Variants in ABCA4 observed in about 807,000 individuals in gnomAD.
The protein encoded by ABCA4 is retinal-specific phospholipid-transporting ATPase ABCA4.
A neutral mutation model predicts 263.7 loss-of-function variants in ABCA4; 196 were observed. That is an observed-to-expected ratio of 0.74 (90% CI 0.66 to 0.84). ABCA4 has a LOEUF of 0.84. Among genes scored for constraint, ABCA4 ranks in the 40% least tolerant of loss-of-function variants. The pLI, the probability that ABCA4 is intolerant of heterozygous loss-of-function variation, is 0.00. For synonymous variants in ABCA4, 1,133 were observed against 1,094.2 expected (o/e 1.04, Z -0.70); for missense variants, 2,792 against 2,855.1 (o/e 0.98, Z 0.50).
In ABCA4 at chr1:93,993,082, C is replaced by G; in HGVS notation, c.*155G>C. ...CGGTTTCCTTCTGAAAGACCTCTTT[C>G]TGAATTCGCTGCATGCTCCTCGTGT... On this transcript the variant is annotated 3_prime_UTR_variant, in exon 50 of 50. Transcript: ENST00000370225. 2 of 966,722 alleles carry G rather than the reference C, an allele frequency of 2.1e-6. No homozygotes were observed. The highest frequency in any genetic ancestry group is 1.6e-6 in the Non-Finnish European group (1 of 635,518). 59.9% of individuals were successfully genotyped at this position (966,722 alleles called of 1,614,324 possible). A position where few individuals can be genotyped will look rare whatever the true frequency, so the allele number is the denominator to read the frequency against.
chr1:94,015,840 C>T lies in ABCA4; in HGVS notation c.5211G>A (p.Val1737=), dbSNP rs773164800. The T allele has an allele frequency of 3.8e-5, 61 of 1,613,606 alleles. No individual in the cohort carries two copies. The highest frequency in any genetic ancestry group is 5.0e-5 in the Non-Finnish European group (59 of 1,179,822). ...AGATGCCCACCACCAGCCCAGCACTCACGGAATAATTCATCTCGGAAAGAG... is the reference window on the plus strand; with the variant it reads ...AGATGCCCACCACCAGCCCAGCACTTACGGAATAATTCATCTCGGAAAGAG... The part of the protein sequence containing the change: ...NFLWDIMNYS[V]SAGLVVGIFI... The change falls in exon 37 of 50, where the codon GTG becomes GTA. Residue 1737 remains valine (V), a synonymous_variant. Transcript: ENST00000370225.
At chr1:93,998,708 A>ATTTT (rs1271965834) in intron 47 of ABCA4, among the ~76,000 whole-genome samples, 25 of 143,134 alleles carry the variant, frequency 1.7e-4, no homozygotes, top group South Asian at 8.6e-4. Flanking sequence ...TATTTATTTT[A>ATTTT]TTTTATTTAT....
intron 1 of ABCA4, among the ~76,000 whole-genome samples, chr1:94,119,252 T>C (rs11800866): frequency 0.029 from 4,427 of 152,230 alleles, 218 homozygotes; most frequent in African/African-American, 0.1. Flanking sequence ...CTGATTACTC[T>C]TAATACTTGG....
chr1:94,080,833 T>C, intron 7 of ABCA4, 115 bp from the exon 8 acceptor site: 1 of 1,461,674 alleles, frequency 6.8e-7, no homozygotes, highest in South Asian at 1.2e-5. Flanking sequence ...AACATCCATA[T>C]ATTCTCAGCA....
chr1:94,096,270 G>A (rs191340944), intron 6 of ABCA4, among the ~76,000 whole-genome samples: 45 of 152,312 alleles, frequency 3.0e-4, no homozygotes, highest in African/African-American at 1.0e-3. Context: ...CCAGGCATTT[G>A]TAGGACACAT....
chr1:94,047,110 T>A lies in ABCA4; in HGVS notation c.2744-17A>T. Reference sequence around the variant, plus strand: ...AGAAGGAGTCTTGGAGGAAAAAAAATGAACATGATGTAAACATAATGCCTA... The same window carrying A: ...AGAAGGAGTCTTGGAGGAAAAAAAAAGAACATGATGTAAACATAATGCCTA... On this transcript the variant is annotated splice_polypyrimidine_tract_variant and intron_variant, in intron 18 of 49. Transcript: ENST00000370225. 1.2e-6 allele frequency: 2 copies of A among 1,613,516 alleles called. No individual in the cohort carries two copies. The highest frequency in any genetic ancestry group is 1.1e-5 in the South Asian group (1 of 91,064).
chr1:94,112,645 A>G (rs562784811), intron 2 of ABCA4, among the ~76,000 whole-genome samples: 1 of 152,230 alleles, frequency 6.6e-6, no homozygotes, highest in South Asian at 2.1e-4. Context: ...AAAACAAAAA[A>G]ATTAGCTGGG....
intron 32 of ABCA4, 80 bp downstream of exon 32, chr1:94,023,306 G>C (rs1001596448): frequency 8.3e-7 from 1 of 1,207,796 alleles, no homozygotes; most frequent in East Asian, 2.5e-5. Flanking sequence ...ATGGCTGTGA[G>C]GTGTGCCTTT....
chr1:94,069,382 A>G (rs1007222077), intron 11 of ABCA4, among the ~76,000 whole-genome samples: 1 of 152,212 alleles, frequency 6.6e-6, no homozygotes, highest in Non-Finnish European at 1.5e-5. Context: ...CCCTGTGCTG[A>G]CGTGGCATAA....
At position 94,111,457 on chromosome 1, in the gene ABCA4, A is replaced by C; in HGVS notation, c.283T>G (p.Ser95Ala). 6.2e-7 allele frequency: 1 copy of C among 1,614,052 alleles called. No individual in the cohort carries two copies. The highest frequency in any genetic ancestry group is 8.5e-7 in the Non-Finnish European group (1 of 1,179,986). Residue 95 changes from serine to alanine, a missense_variant, in exon 3 of 50, where the codon TCA becomes GCA. Ser to Ala is a moderately conservative substitution (Grantham distance 99, BLOSUM62 1). Coordinates refer to ENST00000370225, the MANE Select transcript of ABCA4 (RefSeq NM_000350.3). ...PTPGESPGIV[S>A]NYNNSILARV... Reference sequence around the variant, plus strand: ...ACTTACATGGAGTTGTTATAGTTTGACACAATTCCAGGAGATTCTCCTGGG... The same window carrying C: ...ACTTACATGGAGTTGTTATAGTTTGCCACAATTCCAGGAGATTCTCCTGGG...
chr1:94,034,993 T>C (rs936079323), intron 26 of ABCA4, among the ~76,000 whole-genome samples: 2 of 152,194 alleles, frequency 1.3e-5, no homozygotes, highest in African/African-American at 4.8e-5. Flanking sequence ...AAAGAGGCTA[T>C]GTACTTACCC....
intron 32 of ABCA4, 59 bp from the exon 33 acceptor site, chr1:94,022,010 C>T (rs113279154): frequency 7.8e-6 from 11 of 1,407,734 alleles, no homozygotes; most frequent in Non-Finnish European, 1.0e-5. Context: ...CTACTAGTAG[C>T]TCTCTCGGGT....
rs768248480 is a variant in ABCA4, at chr1:93,997,967, A to T, written c.6623T>A (p.Phe2208Tyr). ...QRERHYNMLQFQVSSSSLARI... is the reference protein window; with the variant it reads ...QRERHYNMLQYQVSSSSLARI... ...CGCCAGGGAGGAGGAGGAGACCTGG[A>T]ACTGGAGCATGTTGTAGTGCCTCTC... The change falls in exon 48 of 50, where the codon TTC becomes TAC. Residue 2208 changes from phenylalanine to tyrosine, a missense_variant. Coordinates refer to ENST00000370225, the MANE Select transcript of ABCA4 (RefSeq NM_000350.3). 4.3e-6 allele frequency: 7 copies of T among 1,613,948 alleles called. No individual in the cohort carries two copies. The African/African-American group carries it at 9.3e-5, about 22-fold the overall frequency.
In ABCA4 at chr1:94,046,921, G is replaced by C. The variant is rs746817747; in HGVS notation, c.2916C>G (p.Thr972=). The C allele has an allele frequency of 3.1e-6, 5 of 1,614,100 alleles. No individual in the cohort carries two copies. In the East Asian group the frequency reaches 1.1e-4, roughly 36 times the overall value. ...AGCTTCTCTGCTGGAAGACTCACAA[G>C]GTGGTGGTTTTCCCAGCTCCATTGT... The part of the protein sequence containing the change: ...LGHNGAGKTT[T]LSILTGLLPP... The change falls in exon 19 of 50, where the codon ACC becomes ACG. Residue 972 remains threonine, a splice_region_variant and synonymous_variant. Transcript: ENST00000370225.
rs1287053724 is a variant in ABCA4 at position 94,041,318 on chromosome 1, A to G, written c.3413T>C (p.Leu1138Pro). 3 of 1,613,950 alleles carry G rather than the reference A, an allele frequency of 1.9e-6. No homozygotes were observed. In the African/African-American group the frequency reaches 4.0e-5, roughly 22 times the overall value. The change falls in exon 23 of 50, where the codon CTC becomes CCC. Residue 1138 changes from leucine (L) to proline (P), a missense_variant. Leu to Pro is a moderately conservative substitution (Grantham distance 98). Coordinates refer to ENST00000370225, the MANE Select transcript of ABCA4 (RefSeq NM_000350.3). Reference protein sequence around the residue: ...DRIAIIAQGRLYCSGTPLFLK... With the variant: ...DRIAIIAQGRPYCSGTPLFLK... Reference sequence around the variant, plus strand: ...GAAGAGTGGGGTGCCTGAGCAGTAGAGCCTTCCCTGGGCAATGATGGCAAT... The same window carrying G: ...GAAGAGTGGGGTGCCTGAGCAGTAGGGCCTTCCCTGGGCAATGATGGCAAT...
At chr1:94,099,443 G>C (rs1011407750) in intron 5 of ABCA4, among the ~76,000 whole-genome samples, 2 of 152,208 alleles carry the variant, frequency 1.3e-5, no homozygotes, top group Admixed American at 6.5e-5. Context: ...CATCTGTGTT[G>C]TTTGAAGCCA....
chr1:94,033,761 G>C (rs1660270007), intron 26 of ABCA4, among the ~76,000 whole-genome samples: 1 of 151,944 alleles, frequency 6.6e-6, no homozygotes, highest in Admixed American at 6.6e-5. Context: ...CTGGGTGGCA[G>C]CCCCAGCCCT....
chr1:94,108,009 T>C (rs545304357), intron 4 of ABCA4, among the ~76,000 whole-genome samples: 30 of 152,312 alleles, frequency 2.0e-4, no homozygotes, highest in African/African-American at 7.0e-4. Context: ...GCCCGCTGCC[T>C]GTTGACCTTC....
chr1:94,013,349 G>T (rs1246402889), intron 38 of ABCA4, among the ~76,000 whole-genome samples: 1 of 152,198 alleles, frequency 6.6e-6, no homozygotes, highest in East Asian at 1.9e-4. Flanking sequence ...AGTCTCAGGG[G>T]TCCACGGGTC....
Sources: allele counts gnomAD v4.1 joint callset (sites outside exome capture counted in the v4.1 genomes callset), GRCh38; gene constraint gnomAD v4.1.1; transcripts MANE v1.5; gene names NCBI Gene and HGNC (gene_info 2026-07-23, HGNC 2026-07-21).